Variants in PPFIA1 observed in about 807,000 individuals in gnomAD.
The protein encoded by PPFIA1 is PPFI scaffold protein A1.
In PPFIA1, 25 loss-of-function variants were observed where a neutral mutation model predicts 149.9. The ratio of observed to expected loss-of-function variants is 0.17; its 90% CI spans 0.12 to 0.23. PPFIA1 has a LOEUF of 0.23. PPFIA1 is among the 10% of genes least tolerant of loss of function. PPFIA1 has a pLI of 1.00. For synonymous variants in PPFIA1, 549 were observed against 552.8 expected, an observed-to-expected ratio of 0.99 and a Z score of 0.10; for missense variants, 1,362 against 1,506.5, an observed-to-expected ratio of 0.90 and a Z score of 1.59.
At chr11:70,323,150 A>AC (rs1591205627) in intron 2 of PPFIA1, among the ~76,000 whole-genome samples, 1 of 151,674 alleles carries the variant, frequency 6.6e-6, no homozygotes, top group Admixed American at 6.6e-5. Context: ...TTAAACCCAC[A>AC]CCTCCAGTTG....
At chr11:70,336,505 CAAAAAAAA>C (rs10640266) in intron 11 of PPFIA1, among the ~76,000 whole-genome samples, 3 of 123,190 alleles carry the variant, frequency 2.4e-5, no homozygotes, top group Non-Finnish European at 5.4e-5. Flanking sequence ...GATCCTGTTT[CAAAAAAAA>C]AAAAAAAAAG....
intron 1 of PPFIA1, 160 bp from the exon 2 acceptor site, chr11:70,272,013 C>T (rs2135965629): frequency 2.5e-6 from 2 of 806,594 alleles, no homozygotes; most frequent in Non-Finnish European, 4.0e-6. Context: ...TTAATATTTG[C>T]CCTGTGTATG....
At chr11:70,294,095 C>T (rs554246533) in intron 2 of PPFIA1, among the ~76,000 whole-genome samples, 5 of 151,972 alleles carry the variant, frequency 3.3e-5, no homozygotes, top group Non-Finnish European at 5.9e-5. Context: ...CAGTGCACCA[C>T]CATGCCCAGC....
At chr11:70,355,191 C>T (rs2056291811) in intron 17 of PPFIA1, among the ~76,000 whole-genome samples, 1 of 152,216 alleles carries the variant, frequency 6.6e-6, no homozygotes, top group African/African-American at 2.4e-5. Flanking sequence ...GCGTGAGCCA[C>T]CGCGCCCGGC....
intron 1 of PPFIA1, 176 bp downstream of exon 1, chr11:70,271,090 GCGCCC>G (rs1403651216): frequency 6.6e-6 from 1 of 151,922 alleles, no homozygotes; most frequent in Non-Finnish European, 1.5e-5. Flanking sequence ...CGGGACACCC[GCGCCC>G]CAAGGGACGG....
intron 16 of PPFIA1, among the ~76,000 whole-genome samples, chr11:70,353,623 C>T (rs1443783953): frequency 5.9e-5 from 9 of 152,166 alleles, no homozygotes; most frequent in Non-Finnish European, 1.3e-4. Context: ...GGGAGTCTGA[C>T]AAAGATCATC....
chr11:70,372,176 C>T, intron 21 of PPFIA1, 39 bp from the exon 22 acceptor site: 1 of 1,545,876 alleles, frequency 6.5e-7, no homozygotes, highest in Non-Finnish European at 8.7e-7. Flanking sequence ...ACTTTTGAGA[C>T]TTCCTCTGTA....
At chr11:70,288,581 GA>G (rs1157335215) in intron 2 of PPFIA1, among the ~76,000 whole-genome samples, 2 of 152,296 alleles carry the variant, frequency 1.3e-5, no homozygotes, top group East Asian at 3.9e-4. Context: ...AAGTTGCAAA[GA>G]GGTGATTTTT....
intron 2 of PPFIA1, among the ~76,000 whole-genome samples, chr11:70,291,007 T>A (rs2051488911): frequency 6.6e-6 from 1 of 152,190 alleles, no homozygotes; most frequent in South Asian, 2.1e-4. Flanking sequence ...TGCTTCAGCC[T>A]CCCGAGTAGC....
chr11:70,358,792 G>T (rs909864774), intron 19 of PPFIA1: 1 of 152,150 alleles, frequency 6.6e-6, no homozygotes, highest in Non-Finnish European at 1.5e-5. Context: ...TGGTGGGCGC[G>T]TTTGGTGCCT....
intron 2 of PPFIA1, among the ~76,000 whole-genome samples, chr11:70,322,928 C>A (rs1383737694): frequency 6.7e-6 from 1 of 148,670 alleles, no homozygotes; most frequent in Admixed American, 6.8e-5. Flanking sequence ...TCTCTCTGAC[C>A]ACACTCAGTT....
intron 2 of PPFIA1, chr11:70,278,779 C>T (rs1287331023): frequency 8.9e-6 from 3 of 337,170 alleles, no homozygotes; most frequent in African/African-American, 6.6e-5. Context: ...AATTAAACTT[C>T]CAACTTGCTC....
At chr11:70,375,305 A>G (rs1355244134) in intron 24 of PPFIA1, 3 of 380,236 alleles carry the variant, frequency 7.9e-6, no homozygotes, top group Non-Finnish European at 1.4e-5. Flanking sequence ...GATAAGGACG[A>G]TCTTTCATTC....
Position 70,375,190 on chromosome 11 carries a change from A to AAC in PPFIA1, c.3315+98_3315+99insCA. On this transcript the variant is annotated intron_variant, in intron 24 of 27. Coordinates refer to ENST00000253925, the MANE Select transcript of PPFIA1 (RefSeq NM_003626.5). ...GAATAGAAAGAAACTTTAAAAAAAA[A>AAC]AAAAAAAAAAAACTTCAGACAACTA... The AAC allele has an allele frequency of 1.2e-5, 5 of 402,140 alleles. No homozygotes were observed. The South Asian group carries it at 3.3e-4, about 26-fold the overall frequency. The allele number at this position is 402,140 out of a possible 1,614,324, so 24.9% of individuals were successfully genotyped here.
In PPFIA1 at chr11:70,383,776, G is replaced by A. The variant is rs561590507; in HGVS notation, c.*786G>A. On this transcript the variant is annotated 3_prime_UTR_variant, in exon 28 of 28. Transcript: ENST00000253925. ...GAGCTGGGAGCAGTTCTCTCAGCTGGAGAGACTCGGGATGGGGTAACCTGG... is the reference window on the plus strand; with the variant it reads ...GAGCTGGGAGCAGTTCTCTCAGCTGAAGAGACTCGGGATGGGGTAACCTGG... 6.6e-4 allele frequency: 100 copies of A among 152,628 alleles called. No homozygotes were observed. The highest frequency in any genetic ancestry group is 2.4e-3 in the African/African-American group (98 of 41,582). 9.5% of individuals were successfully genotyped at this position (152,628 alleles called of 1,614,324 possible).
chr11:70,343,367 C>G (rs115829059), intron 14 of PPFIA1, among the ~76,000 whole-genome samples: 215 of 152,324 alleles, frequency 1.4e-3, no homozygotes, highest in African/African-American at 5.0e-3. Flanking sequence ...CCCCTGCCCA[C>G]CCTTCCCGGC....
intron 26 of PPFIA1, chr11:70,378,437 A>G: frequency 8.0e-7 from 1 of 1,250,184 alleles, no homozygotes; most frequent in Non-Finnish European, 1.0e-6. Context: ...TTTCCAACTA[A>G]TAAAGCTCAG....
intron 2 of PPFIA1, among the ~76,000 whole-genome samples, chr11:70,276,263 C>T (rs12287883): frequency 0.22 from 32,464 of 149,184 alleles, 5,413 homozygotes; most frequent in African/African-American, 0.47. Context: ...CACGCCACTG[C>T]GCCTTGCTTT....
chr11:70,372,387 A>C lies in PPFIA1; in HGVS notation c.3038A>C (p.His1013Pro), dbSNP rs750113798. 1 of 1,614,158 alleles carries C rather than the reference A, an allele frequency of 6.2e-7. No homozygotes were observed. The highest frequency in any genetic ancestry group is 8.5e-7 in the Non-Finnish European group (1 of 1,179,990). ...RGQLKMVDSFHRNSFQCGIMC... is the reference protein window; with the variant it reads ...RGQLKMVDSFPRNSFQCGIMC... ...CAGCTGAAAATGGTCGACAGTTTTC[A>C]CAGGTAACTTAATGGAGATAGTTCT... The change falls in exon 22 of 28, where the codon CAC becomes CCC. Residue 1013 changes from histidine (H) to proline (P), a missense_variant. By Grantham distance (77) the His-to-Pro change is moderately conservative. Around this residue, in one of 7 missense-constraint regions of PPFIA1, gnomAD observed 349 missense variants for 373.3 expected, o/e 0.93. Coordinates refer to ENST00000253925, the MANE Select transcript of PPFIA1 (RefSeq NM_003626.5).
Sources: allele counts gnomAD v4.1 joint callset (sites outside exome capture counted in the v4.1 genomes callset), GRCh38; gene constraint gnomAD v4.1.1; regional missense constraint gnomAD v4.1.1; transcripts MANE v1.5; gene names NCBI Gene and HGNC (gene_info 2026-07-23, HGNC 2026-07-21).